Variants in SLC9D1 observed in about 807,000 individuals in gnomAD.
SLC9D1 encodes putative LAG1-interacting protein.
At chr13:113,539,550 A>G in the SLC9D1 span, 1 of 1,598,950 alleles carries the variant, frequency 6.3e-7, no homozygotes, top group Non-Finnish European at 8.5e-7. The surrounding 1 kb of genome is among the most constrained non-coding windows in gnomAD (Gnocchi z 4.8). Context: ...GGTTAAACGT[A>G]TGCAGAGTGG....
At chr13:113,497,893 T>C in the SLC9D1 span, among the ~76,000 whole-genome samples, 7 of 152,390 alleles carry the variant, frequency 4.6e-5, no homozygotes, top group East Asian at 1.3e-3. Flanking sequence ...AAATGATTAA[T>C]GCTGTTGGTT....
At chr13:113,545,995 G>A in the SLC9D1 span, 2 of 152,286 alleles carry the variant, frequency 1.3e-5, no homozygotes, top group Non-Finnish European at 2.9e-5. Context: ...GCTTTCCACC[G>A]GGCAGCAGCG....
At chr13:113,525,505 A>G in the SLC9D1 span, among the ~76,000 whole-genome samples, 14 of 152,292 alleles carry the variant, frequency 9.2e-5, no homozygotes, top group Admixed American at 9.2e-4. Flanking sequence ...TAGAACTGTC[A>G]AAACAGCCTC....
chr13:113,506,558 A>AGTGTGTGTGTGTGT, the SLC9D1 span, among the ~76,000 whole-genome samples: 134 of 109,860 alleles, frequency 1.2e-3, 1 homozygote, highest in Middle Eastern at 0.015. Context: ...TGTGTGTGTG[A>AGTGTGTGTGTGTGT]GTGTGTGTGT....
chr13:113,502,001 A>G, the SLC9D1 span: 7 of 792,000 alleles, frequency 8.8e-6, no homozygotes, highest in Non-Finnish European at 1.4e-5. Context: ...AACCATTTCA[A>G]AGATGTCCTT....
At chr13:113,549,054 C>T in the SLC9D1 span, among the ~76,000 whole-genome samples, 3 of 152,162 alleles carry the variant, frequency 2.0e-5, no homozygotes, top group Admixed American at 6.5e-5. Context: ...GGCCTTCAGG[C>T]AAACACAGGC....
At chr13:113,493,286 T>C in the SLC9D1 span, among the ~76,000 whole-genome samples, 4 of 152,226 alleles carry the variant, frequency 2.6e-5, no homozygotes, top group Non-Finnish European at 5.9e-5. Context: ...TTGAAACTTA[T>C]TTTTCTGAAG....
the SLC9D1 span, chr13:113,496,052 GA>G: frequency 6.8e-7 from 1 of 1,475,238 alleles, no homozygotes; most frequent in Non-Finnish European, 9.3e-7. Context: ...GAGAGAGAGA[GA>G]GAGGGAGAGG....
chr13:113,530,296 T>G, the SLC9D1 span: 1 of 152,218 alleles, frequency 6.6e-6, no homozygotes, highest in Non-Finnish European at 1.5e-5. Flanking sequence ...TGGTAATAGT[T>G]GTGTAATTTT....
At chr13:113,498,018 C>A in the SLC9D1 span, among the ~76,000 whole-genome samples, 1 of 152,226 alleles carries the variant, frequency 6.6e-6, no homozygotes, top group African/African-American at 2.4e-5. Flanking sequence ...CCGCTGCACT[C>A]ACACACATGA....
the SLC9D1 span, among the ~76,000 whole-genome samples, chr13:113,545,023 C>T: frequency 6.6e-6 from 1 of 151,930 alleles, no homozygotes; most frequent in Non-Finnish European, 1.5e-5. Flanking sequence ...AGGATTTCAT[C>T]CTCTTCTCAT....
At chr13:113,510,411 G>A in the SLC9D1 span, 38 of 1,612,166 alleles carry the variant, frequency 2.4e-5, no homozygotes, top group Non-Finnish European at 3.1e-5. Context: ...GCAGTGCTCG[G>A]GGTGACAAAG....
the SLC9D1 span, among the ~76,000 whole-genome samples, chr13:113,532,237 C>T: frequency 5.9e-5 from 9 of 152,282 alleles, no homozygotes; most frequent in South Asian, 8.3e-4. Flanking sequence ...ACAAGACATC[C>T]GCAGCAGGGA....
chr13:113,543,036 C>A, the SLC9D1 span, among the ~76,000 whole-genome samples: 2 of 111,374 alleles, frequency 1.8e-5, no homozygotes, highest in Non-Finnish European at 3.6e-5. Context: ...CCCGGCCCTC[C>A]GTGTGTGTGA....
At chr13:113,540,850 T>C in the SLC9D1 span, among the ~76,000 whole-genome samples, 1 of 152,198 alleles carries the variant, frequency 6.6e-6, no homozygotes, top group Non-Finnish European at 1.5e-5. Flanking sequence ...GGGTTCGGCT[T>C]TACATTTAAG....
the SLC9D1 span, chr13:113,548,434 G>GGGCGTCATCTCTCGGGAGGTGAGTGGCTT: frequency 6.2e-7 from 1 of 1,610,712 alleles, no homozygotes; most frequent in Non-Finnish European, 8.5e-7. Flanking sequence ...CGCGAAGAGC[G>GGGCGTCATCTCTCGGGAGGTGAGTGGCTT]GGCGTCATCT....
At chr13:113,539,360 A>T in the SLC9D1 span, 1 of 1,612,232 alleles carries the variant, frequency 6.2e-7, no homozygotes, top group Admixed American at 1.7e-5. This position sits in a 1 kb window ranked among gnomAD's most constrained non-coding sequence, Gnocchi z 4.8. Flanking sequence ...CTCTCAGGTC[A>T]CGGAGCTGCT....
chr13:113,497,554 T>TGTGAGACCTGC, the SLC9D1 span, among the ~76,000 whole-genome samples: 2 of 126,940 alleles, frequency 1.6e-5, no homozygotes, highest in East Asian at 2.4e-4. Flanking sequence ...GCGAGACTTG[T>TGTGAGACCTGC]AGCTGTGTGA....
the SLC9D1 span, among the ~76,000 whole-genome samples, chr13:113,544,160 T>TCAGCCA: frequency 6.6e-5 from 10 of 152,314 alleles, no homozygotes; most frequent in South Asian, 4.1e-4. Context: ...CCTCTGCAGG[T>TCAGCCA]CAGCCACAGC....
Sources: allele counts gnomAD v4.1 joint callset (sites outside exome capture counted in the v4.1 genomes callset), GRCh38; gene constraint gnomAD v4.1.1; non-coding constraint Gnocchi (gnomAD v3.1); transcripts MANE v1.5; gene names NCBI Gene and HGNC (gene_info 2026-07-23, HGNC 2026-07-21).